Variants in APP observed in about 807,000 individuals in gnomAD.
APP encodes the protein amyloid beta precursor protein.
APP carries 31 observed loss-of-function variants against 101.4 expected under a neutral mutation model. That is an observed-to-expected ratio of 0.31 (90% CI 0.23 to 0.41). APP has a LOEUF of 0.41. Ranked by LOEUF, APP falls within the 10% of genes least tolerant of loss-of-function variation. The pLI, the probability that APP is intolerant of heterozygous loss-of-function variation, is 1.00. For synonymous variants in APP, 366 were observed against 364.4 expected, an observed-to-expected ratio of 1.00 and a Z score of -0.05; for missense variants, 839 against 1,003.7, an observed-to-expected ratio of 0.84 and a Z score of 2.22.
chr21:26,020,162 A>T (rs2044275350), intron 6 of APP, among the ~76,000 whole-genome samples: 1 of 152,232 alleles, frequency 6.6e-6, no homozygotes, highest in Non-Finnish European at 1.5e-5. Flanking sequence ...TACTGTGTTA[A>T]GTGAAAGAAG....
intron 1 of APP, among the ~76,000 whole-genome samples, chr21:26,152,736 A>G (rs868293501): frequency 6.6e-6 from 1 of 152,180 alleles, no homozygotes; most frequent in Non-Finnish European, 1.5e-5. Context: ...CATTATGGAG[A>G]TTTCCTAAAG....
At chr21:25,883,232 G>C (rs1190886592) in intron 17 of APP, among the ~76,000 whole-genome samples, 1 of 151,096 alleles carries the variant, frequency 6.6e-6, no homozygotes, top group African/African-American at 2.4e-5. Context: ...GTGAAACCTT[G>C]TCTCTACTAA....
chr21:25,893,311 A>AGT (rs2037818405), intron 16 of APP, among the ~76,000 whole-genome samples: 1 of 152,198 alleles, frequency 6.6e-6, no homozygotes, highest in Admixed American at 6.5e-5. Context: ...ATAACCCTAC[A>AGT]GTGGCCTCTT....
At chr21:26,086,731 T>C (rs990902569) in intron 3 of APP, among the ~76,000 whole-genome samples, 2 of 152,262 alleles carry the variant, frequency 1.3e-5, no homozygotes, top group African/African-American at 2.4e-5. Flanking sequence ...AGATTTATCC[T>C]ATACTAGGTC....
intron 6 of APP, among the ~76,000 whole-genome samples, chr21:26,010,243 G>A (rs1407540004): frequency 9.2e-5 from 14 of 151,546 alleles, no homozygotes; most frequent in Admixed American, 9.2e-4. Flanking sequence ...ACAAAACTAG[G>A]AAAGCAGTTT....
chr21:26,008,520 C>A (rs1254320284), intron 6 of APP, among the ~76,000 whole-genome samples: 8 of 152,164 alleles, frequency 5.3e-5, no homozygotes, highest in African/African-American at 1.9e-4. Flanking sequence ...TCTAGAAAAA[C>A]AAACAAATAG....
intron 5 of APP, among the ~76,000 whole-genome samples, chr21:26,042,261 T>C (rs1315651737): frequency 1.3e-5 from 2 of 152,196 alleles, no homozygotes; most frequent in African/African-American, 4.8e-5. Flanking sequence ...CAGCCTCTCT[T>C]TCTCTCTCAC....
intron 3 of APP, among the ~76,000 whole-genome samples, chr21:26,084,215 T>C (rs1038790433): frequency 2.8e-5 from 4 of 143,256 alleles, no homozygotes; most frequent in African/African-American, 1.0e-4. Flanking sequence ...ATGACCTACC[T>C]AGAAGGGCTC....
At chr21:26,140,282 C>A in intron 1 of APP, 4 of 1,535,332 alleles carry the variant, frequency 2.6e-6, no homozygotes, top group Non-Finnish European at 3.5e-6. Flanking sequence ...CTGTTAACTG[C>A]AGTGACCACA....
intron 4 of APP, among the ~76,000 whole-genome samples, chr21:26,052,922 C>T (rs545559946): frequency 5.3e-5 from 8 of 152,194 alleles, no homozygotes; most frequent in South Asian, 2.1e-4. Context: ...TTTTAAGTTG[C>T]GAAACACGGC....
At chr21:26,087,694 G>GA (rs999399648) in intron 3 of APP, among the ~76,000 whole-genome samples, 1 of 152,130 alleles carries the variant, frequency 6.6e-6, no homozygotes, top group African/African-American at 2.4e-5. Context: ...TCTGTCAGTG[G>GA]AATGATATAT....
chr21:26,101,095 C>CTTTTTT (rs35407047), intron 2 of APP, among the ~76,000 whole-genome samples: 13 of 79,352 alleles, frequency 1.6e-4, no homozygotes, highest in African/African-American at 4.9e-4. Flanking sequence ...TTTTTTTTTC[C>CTTTTTT]TTTTTTTTTT....
chr21:26,112,183 A>G (rs201252737), intron 1 of APP, 37 bp from the exon 2 acceptor site: 2 of 1,607,218 alleles, frequency 1.2e-6, no homozygotes, highest in Non-Finnish European at 1.7e-6. Context: ...TAGTATCCAT[A>G]GCTCCAAGGC....
chr21:25,941,815 A>G (rs533961483), intron 13 of APP: 114 of 152,358 alleles, frequency 7.5e-4, no homozygotes, highest in African/African-American at 2.6e-3. Context: ...GGCCACTAAC[A>G]TGCCATCTGC....
chr21:25,931,233 G>A (rs1161536007), intron 13 of APP, among the ~76,000 whole-genome samples: 2 of 152,206 alleles, frequency 1.3e-5, no homozygotes, highest in Non-Finnish European at 2.9e-5. Context: ...GATGTGACTA[G>A]TGATATTACA....
intron 13 of APP, among the ~76,000 whole-genome samples, chr21:25,931,771 T>C (rs1020177458): frequency 1.3e-5 from 2 of 152,142 alleles, no homozygotes; most frequent in South Asian, 2.1e-4. Context: ...AGAGAAAATA[T>C]GGGGGAGAAA....
chr21:25,905,162 G>A (rs1401951806), intron 14 of APP, 85 bp from the exon 15 acceptor site: 10 of 1,166,178 alleles, frequency 8.6e-6, no homozygotes, highest in Non-Finnish European at 1.3e-5. Context: ...GTCGAGCAGG[G>A]AAAAAAGCAT....
intron 3 of APP, among the ~76,000 whole-genome samples, chr21:26,089,332 C>T (rs984737489): frequency 6.6e-6 from 1 of 152,050 alleles, no homozygotes; most frequent in Non-Finnish European, 1.5e-5. Flanking sequence ...TAAAACTACT[C>T]AATTTTTTTA....
rs1315235080 is a variant in APP, at chr21:26,051,054, T to C, written c.608A>G (p.Glu203Gly). The change falls in exon 5 of 18, where the codon GAG (glutamate) becomes GGG (glycine). Residue 203 changes from glutamate to glycine, a missense_variant. Coordinates refer to ENST00000346798, the MANE Select transcript of APP (RefSeq NM_000484.4). ...GCCCCACCAGACATCCGAGTCATCC[T>C]CCTCCGCATCAGCAGAATCCACATT... is the stretch of plus-strand genomic sequence containing the variant. The part of the protein sequence containing the change: ...SDNVDSADAE[E>G]DDSDVWWGGA... 1 of 1,614,068 alleles carries C rather than the reference T, an allele frequency of 6.2e-7. No homozygotes were observed. The highest frequency in any genetic ancestry group is 1.7e-5 in the Admixed American group (1 of 59,992).
Sources: gnomAD v4.1 joint callset for allele counts (sites outside exome capture counted in the v4.1 genomes callset) on GRCh38, gnomAD v4.1.1 for gene constraint, MANE v1.5 for transcripts, NCBI Gene and HGNC (gene_info 2026-07-23, HGNC 2026-07-21) for gene names.